PEX6: variants seen among roughly 807,000 people sequenced by gnomAD.
The protein encoded by PEX6 is peroxisomal biogenesis factor 6.
In PEX6, 55 loss-of-function variants were observed where a neutral mutation model predicts 85.6. The observed-to-expected ratio is 0.64, with a 90% confidence interval of 0.52 to 0.80. The LOEUF (loss-of-function observed/expected upper bound fraction) is 0.80. PEX6 is among the 30% of genes least tolerant of loss of function. PEX6 has a pLI of 0.00. For missense variants in PEX6, 1,099 were observed against 1,260.3 expected (o/e 0.87, Z 1.94); for synonymous variants, 519 against 549.1 (o/e 0.95, Z 0.77).
In PEX6 at chr6:42,966,369, G is replaced by T. The variant is rs796113440; in HGVS notation, c.2173C>A (p.Leu725Met). ...KEILETIQLP[L>M]EHPELLSLGL... ...AGGCTCAGTAGCTCAGGGTGCTCCAGGGGGAGCTGAATGGTCTCCAGGATC... is the reference window on the plus strand; with the variant it reads ...AGGCTCAGTAGCTCAGGGTGCTCCATGGGGAGCTGAATGGTCTCCAGGATC... Residue 725 changes from leucine (L) to methionine (M), a missense_variant, in exon 11 of 17, where the codon CTG (leucine) becomes ATG (methionine). Coordinates refer to ENST00000304611, the MANE Select transcript of PEX6 (RefSeq NM_000287.4). The T allele has an allele frequency of 6.2e-7, 1 of 1,613,976 alleles. No homozygotes were observed. The highest frequency in any genetic ancestry group is 8.5e-7 in the Non-Finnish European group (1 of 1,179,978).
chr6:42,978,818 C>T lies in PEX6; in HGVS notation c.333G>A (p.Ser111=). 6.5e-7 allele frequency: 1 copy of T among 1,533,304 alleles called. No individual in the cohort carries two copies. Among genetic ancestry groups the T allele is most frequent in the East Asian group, 2.4e-5 (1 of 40,878 alleles). The allele number at this position is 1,533,304 out of a possible 1,614,324, so 95.0% of individuals were successfully genotyped here. The change falls in exon 1 of 17, where the codon TCG becomes TCA. Residue 111 remains serine (S), a synonymous_variant. Coordinates refer to ENST00000304611, the MANE Select transcript of PEX6 (RefSeq NM_000287.4). ...PALGWALLGT[S]LGPGLGPRVG... ...CTCGCGGTCCGAGCCCAGGCCCCAG[C>T]GAGGTGCCAAGCAGTGCCCAACCTA...
intron 1 of PEX6, among the ~76,000 whole-genome samples, chr6:42,977,203 A>G (rs918643855): frequency 6.6e-6 from 1 of 152,064 alleles, no homozygotes; most frequent in Non-Finnish European, 1.5e-5. Flanking sequence ...GTAGCAATTC[A>G]ATAAACTAAT....
chr6:42,979,076 G>T lies in PEX6; in HGVS notation c.75C>A (p.Pro25=). 2 of 1,543,714 alleles carry T rather than the reference G, an allele frequency of 1.3e-6. No individual in the cohort carries two copies. The highest frequency in any genetic ancestry group is 2.4e-5 in the East Asian group (1 of 41,438). The change falls in exon 1 of 17, where the codon CCC becomes CCA. Residue 25 remains proline, a synonymous_variant. Coordinates refer to ENST00000304611, the MANE Select transcript of PEX6 (RefSeq NM_000287.4). ...ETPPLAVLLP[P]GGPWPAAELG... is the part of the protein sequence containing the mutation. ...GCTCCGCCGCCGGCCACGGGCCCCC[G>T]GGTGGCAGCAGCACTGCCAACGGGG...
intron 1 of PEX6, among the ~76,000 whole-genome samples, chr6:42,975,713 T>G (rs891000190): frequency 7.2e-6 from 1 of 139,640 alleles, no homozygotes; most frequent in Non-Finnish European, 1.6e-5. Flanking sequence ...CATGATTTAG[T>G]TTTTTTTTTT....
chr6:42,972,787 A>AG (rs1770111947), intron 3 of PEX6, among the ~76,000 whole-genome samples: 1 of 129,180 alleles, frequency 7.7e-6, no homozygotes, highest in South Asian at 2.4e-4. Context: ...AAAAAAAAAA[A>AG]AGAGAAATCC....
At position 42,978,891 on chromosome 6, in the gene PEX6, C is replaced by T. The variant is rs1307638667; in HGVS notation, c.260G>A (p.Gly87Asp). 8 of 1,490,374 alleles carry T rather than the reference C, an allele frequency of 5.4e-6. No individual in the cohort carries two copies. The highest frequency in any genetic ancestry group is 2.8e-5 in the East Asian group (1 of 36,104). 92.3% of individuals were successfully genotyped at this position (1,490,374 alleles called of 1,614,324 possible). Residue 87 changes from glycine to aspartate, a missense_variant, in exon 1 of 17, where the codon GGC becomes GAC. Around this residue, in one of 3 missense-constraint regions of PEX6, gnomAD observed 579 missense variants for 611.6 expected, o/e 0.95. Coordinates refer to ENST00000304611, the MANE Select transcript of PEX6 (RefSeq NM_000287.4). ...CCGCGCCCGCACCCAGGCCCCGGAGCCCAGTGCCAGGAGCCGCAGCAGCGC... is the reference window on the plus strand; with the variant it reads ...CCGCGCCCGCACCCAGGCCCCGGAGTCCAGTGCCAGGAGCCGCAGCAGCGC... ...SRALLRLLAL[G>D]SGAWVRARAV...
rs41274888 is a variant in PEX6, at chr6:42,964,993, C to T, written c.2667-64G>A. 38,169 of 1,613,016 alleles carry T rather than the reference C, an allele frequency of 0.024. 585 individuals carry two copies. Among genetic ancestry groups the T allele is most frequent in the South Asian group, 0.049 (4,471 of 91,074 alleles). On this transcript the variant is annotated intron_variant, in intron 15 of 16. Coordinates refer to ENST00000304611, the MANE Select transcript of PEX6 (RefSeq NM_000287.4). This position sits in a 1 kb window ranked among gnomAD's most constrained non-coding sequence, Gnocchi z 4.6. ...CTCCTCCCTCGAAAGCCAGTGCTGA[C>T]CAGCTCATCCTGCATGTTGCATGCA...
At chr6:42,973,604 G>A (rs1027863065) in intron 3 of PEX6, among the ~76,000 whole-genome samples, 2 of 152,138 alleles carry the variant, frequency 1.3e-5, no homozygotes, top group African/African-American at 4.8e-5. Context: ...TGTAATCTCA[G>A]CACTTTGGGA....
At position 42,964,375 on chromosome 6, in the gene PEX6, A is replaced by T; in HGVS notation, c.2903T>A (p.Leu968His). ...CTTGCGCTGGATGCGCTTGTACCGGAGCAGCTCCTGCTCACTGACTGAGGG... is the reference window on the plus strand; with the variant it reads ...CTTGCGCTGGATGCGCTTGTACCGGTGCAGCTCCTGCTCACTGACTGAGGG... ...LQPSVSEQEL[L>H]RYKRIQRKFA... is the part of the protein sequence containing the mutation. The change falls in exon 17 of 17, where the codon CTC becomes CAC. Residue 968 changes from leucine (L) to histidine (H), a missense_variant. Physicochemically the swap from Leu to His is moderately conservative, Grantham distance 99. Around this residue, in one of 3 missense-constraint regions of PEX6, gnomAD observed 514 missense variants for 627.0 expected, o/e 0.82. Coordinates refer to ENST00000304611, the MANE Select transcript of PEX6 (RefSeq NM_000287.4). This position sits in a 1 kb window ranked among gnomAD's most constrained non-coding sequence, Gnocchi z 4.6. 1 of 1,613,808 alleles carries T rather than the reference A, an allele frequency of 6.2e-7. No homozygotes were observed. The highest frequency in any genetic ancestry group is 1.1e-5 in the South Asian group (1 of 91,080).
At position 42,964,850 on chromosome 6, in the gene PEX6, A is replaced by G. The variant is rs370031396; in HGVS notation, c.2746T>C (p.Ser916Pro). 5 of 1,613,968 alleles carry G rather than the reference A, an allele frequency of 3.1e-6. No individual in the cohort carries two copies. The African/African-American group carries it at 6.7e-5, about 22-fold the overall frequency. Residue 916 changes from serine to proline, a missense_variant, in exon 16 of 17, where the codon TCT (serine) becomes CCT (proline). Transcript: ENST00000304611. The surrounding 1 kb of genome is among the most constrained non-coding windows in gnomAD (Gnocchi z 4.6). ...PPQLTGADLY[S>P]LCSDAMTAAL... ...GCTGTCATAGCATCAGAGCAGAGAG[A>G]GTAGAGGTCCGCGCCCGTCAGCTGG...
Position 42,978,779 on chromosome 6 carries a change from C to T in PEX6, c.372G>A (p.Leu124=). ...PGLGPRVGPL[L]VRRGETLPVP... is the part of the protein sequence containing the mutation. ...CTGGGAGGGTCTCTCCGCGCCTCAC[C>T]AGCAGCGGCCCGACTCGCGGTCCGA... The change falls in exon 1 of 17, where the codon CTG becomes CTA. Residue 124 remains leucine (L), a synonymous_variant. Coordinates refer to ENST00000304611, the MANE Select transcript of PEX6 (RefSeq NM_000287.4). 6.5e-7 allele frequency: 1 copy of T among 1,534,538 alleles called. No individual in the cohort carries two copies. The highest frequency in any genetic ancestry group is 8.7e-7 in the Non-Finnish European group (1 of 1,146,716).
At chr6:42,972,155 G>A (rs1770082433) in intron 3 of PEX6, among the ~76,000 whole-genome samples, 1 of 152,160 alleles carries the variant, frequency 6.6e-6, no homozygotes. Context: ...GAGGACCCAG[G>A]CTGGCTATGC....
Position 42,965,757 on chromosome 6 carries a change from T to C in PEX6, c.2395A>G (p.Ile799Val), listed in dbSNP as rs1451446351. Reference protein sequence around the residue: ...FARARAAAPCIIFFDELDSLA... With the variant: ...FARARAAAPCVIFFDELDSLA... ...GAGTCCAGTTCATCAAAGAAGATAA[T>C]GCATGGAGCTGCAGCCCTGGCCCTG... The change falls in exon 13 of 17, where the codon ATT (isoleucine) becomes GTT (valine). Residue 799 changes from isoleucine to valine, a missense_variant. Transcript: ENST00000304611. This position sits in a 1 kb window ranked among gnomAD's most constrained non-coding sequence, Gnocchi z 5.0. 1.2e-6 allele frequency: 2 copies of C among 1,613,906 alleles called. No individual in the cohort carries two copies. Among genetic ancestry groups the C allele is most frequent in the African/African-American group, 2.7e-5 (2 of 74,876 alleles).
chr6:42,966,638 C>T lies in PEX6; in HGVS notation c.1981G>A (p.Glu661Lys), dbSNP rs763917905. The T allele has an allele frequency of 6.2e-7, 1 of 1,614,058 alleles. No individual in the cohort carries two copies. Among genetic ancestry groups the T allele is most frequent in the African/African-American group, 1.3e-5 (1 of 74,912 alleles). The change falls in exon 10 of 17, where the codon GAG becomes AAG. Residue 661 changes from glutamate (E) to lysine (K), a missense_variant. By Grantham distance (56) the Glu-to-Lys change is moderately conservative. Around this residue, in one of 3 missense-constraint regions of PEX6, gnomAD observed 514 missense variants for 627.0 expected, o/e 0.82. Transcript: ENST00000304611. Reference sequence around the variant, plus strand: ...GCACACAGCTCCCCCTCATCCTCCTCAGTCAAGCCACCTGCCAAACTGCAA... The same window carrying T: ...GCACACAGCTCCCCCTCATCCTCCTTAGTCAAGCCACCTGCCAAACTGCAA... ...KNSGLAGGLT[E>K]EDEGELCAAG...
Position 42,968,284 on chromosome 6 carries a change from A to G in PEX6, c.1688+6T>C. ...AGCTTTGAGAGGCCCAGCTCTGTATAAGTACCTGTTGAGGGGGTCCTCATT... is the reference window on the plus strand; with the variant it reads ...AGCTTTGAGAGGCCCAGCTCTGTATGAGTACCTGTTGAGGGGGTCCTCATT... On this transcript the variant is annotated splice_donor_region_variant and intron_variant, in intron 7 of 16. Transcript: ENST00000304611. The G allele has an allele frequency of 1.2e-6, 2 of 1,612,922 alleles. No individual in the cohort carries two copies. The highest frequency in any genetic ancestry group is 4.5e-5 in the East Asian group (2 of 44,874).
chr6:42,966,390 G>A lies in PEX6; in HGVS notation c.2152C>T (p.Leu718=). 1 of 1,614,104 alleles carries A rather than the reference G, an allele frequency of 6.2e-7. No individual in the cohort carries two copies. The highest frequency in any genetic ancestry group is 2.2e-5 in the East Asian group (1 of 44,876). ...GGLQEVKKEI[L]ETIQLPLEHP... ...TCCAGGGGGAGCTGAATGGTCTCCA[G>A]GATCTCCTTCTTCACCTCCTGCAGC... The change falls in exon 11 of 17, where the codon CTG becomes TTG. Residue 718 remains leucine, a synonymous_variant. Coordinates refer to ENST00000304611, the MANE Select transcript of PEX6 (RefSeq NM_000287.4).
chr6:42,978,133 C>T, intron 1 of PEX6, 136 bp downstream of exon 1: 1 of 1,105,814 alleles, frequency 9.0e-7, no homozygotes, highest in Non-Finnish European at 1.3e-6. Context: ...GCGTGAGTCA[C>T]CGCGCCCGGC....
rs1770451155 is a variant in PEX6, at chr6:42,979,169, A to G, written c.-19T>C. ...GCGCCATGGTGACAGGACACCAACGAGGAGGGTGAAGGAGCGCAGCTTCCG... is the reference window on the plus strand; with the variant it reads ...GCGCCATGGTGACAGGACACCAACGGGGAGGGTGAAGGAGCGCAGCTTCCG... On this transcript the variant is annotated 5_prime_UTR_variant, in exon 1 of 17. Coordinates refer to ENST00000304611, the MANE Select transcript of PEX6 (RefSeq NM_000287.4). 1.3e-6 allele frequency: 2 copies of G among 1,569,662 alleles called. No individual in the cohort carries two copies. The highest frequency in any genetic ancestry group is 1.7e-6 in the Non-Finnish European group (2 of 1,166,472).
intron 3 of PEX6, 144 bp from the exon 4 acceptor site, chr6:42,970,131 G>C: frequency 2.8e-6 from 2 of 721,404 alleles, no homozygotes; most frequent in South Asian, 1.5e-5. Flanking sequence ...AATGCAGATG[G>C]ACTTTCTCAT....
Sources: allele counts gnomAD v4.1 joint callset (sites outside exome capture counted in the v4.1 genomes callset), GRCh38; gene constraint gnomAD v4.1.1; regional missense constraint gnomAD v4.1.1; non-coding constraint Gnocchi (gnomAD v3.1); transcripts MANE v1.5; gene names NCBI Gene and HGNC (gene_info 2026-07-23, HGNC 2026-07-21).